The following LCT variants were observed in gnomAD, a reference collection of about 807,000 sequenced individuals.
LCT encodes the protein lactase.
Under a neutral mutation model 173.0 loss-of-function variants are expected in LCT, and 90 were observed. The ratio of observed to expected loss-of-function variants is 0.52; its 90% CI spans 0.44 to 0.62. The LOEUF (loss-of-function observed/expected upper bound fraction) is 0.62, where lower values mean the gene tolerates loss of function less well. Among genes scored for constraint, LCT ranks in the 20% least tolerant of loss-of-function variants. The pLI is 0.00. For missense variants in LCT, 1,864 were observed against 2,431.4 expected (o/e 0.77, Z 4.91); for synonymous variants, 853 against 957.6 (o/e 0.89, Z 2.02).
intron 8 of LCT, 106 bp from the exon 9 acceptor site, chr2:135,807,502 A>G (rs899758438): frequency 3.8e-6 from 4 of 1,047,744 alleles, no homozygotes; most frequent in Admixed American, 1.7e-5. Flanking sequence ...TGGTCCTAAA[A>G]GTGACATACA....
chr2:135,791,402 A>G (rs988767234), intron 14 of LCT, among the ~76,000 whole-genome samples: 5 of 152,244 alleles, frequency 3.3e-5, no homozygotes, highest in African/African-American at 7.2e-5. Context: ...TCAAGTGTCC[A>G]AGAGCCTGGC....
chr2:135,825,911 C>T (rs577403421), intron 3 of LCT, among the ~76,000 whole-genome samples: 6 of 152,294 alleles, frequency 3.9e-5, no homozygotes, highest in South Asian at 2.1e-4. Context: ...GTGGGCAGCA[C>T]GATTCAGGCT....
chr2:135,804,781 T>C lies in LCT; in HGVS notation c.4450A>G (p.Ser1484Gly), dbSNP rs780250030. 13 of 1,612,796 alleles carry C rather than the reference T, an allele frequency of 8.1e-6. No individual in the cohort carries two copies. Among genetic ancestry groups the C allele is most frequent in the Non-Finnish European group, 1.1e-5 (13 of 1,180,042 alleles). ...VRLIDTLLAA[S>G]IQPQVTIYHW... ...ACCCACCATACCTGGGGCTGGATGC[T>C]GGCGGCCAGCAGTGTATCGATGAGC... The change falls in exon 10 of 17, where the codon AGC (serine) becomes GGC (glycine). Residue 1484 changes from serine (S) to glycine (G), a missense_variant. Coordinates refer to ENST00000264162, the MANE Select transcript of LCT (RefSeq NM_002299.4).
chr2:135,798,844 G>T (rs1446081990), intron 12 of LCT, among the ~76,000 whole-genome samples: 2 of 152,070 alleles, frequency 1.3e-5, no homozygotes, highest in Non-Finnish European at 2.9e-5. Context: ...ATGAGGCATG[G>T]AACACACATG....
Position 135,794,462 on chromosome 2 carries a change from T to C in LCT, c.5111+179A>G. ...GTGCCCTGGAGACCCCGGCCTTCTCTCCCTCTTGCTTGCTGGAGATTTCCT... is the reference window on the plus strand; with the variant it reads ...GTGCCCTGGAGACCCCGGCCTTCTCCCCCTCTTGCTTGCTGGAGATTTCCT... On this transcript the variant is annotated intron_variant, in intron 14 of 16. Transcript: ENST00000264162. The C allele has an allele frequency of 4.4e-6, 3 of 682,834 alleles. No homozygotes were observed. In the South Asian group the frequency reaches 5.1e-5, roughly 12 times the overall value. 42.3% of individuals were successfully genotyped at this position (682,834 alleles called of 1,614,324 possible).
chr2:135,791,467 G>A (rs896957063), intron 14 of LCT, among the ~76,000 whole-genome samples: 2 of 152,192 alleles, frequency 1.3e-5, no homozygotes, highest in Admixed American at 6.5e-5. Context: ...AGGGGTGCCT[G>A]CTGGGGGAGG....
rs753391989 is a variant in LCT, at chr2:135,817,968, C to T, written c.1080G>A (p.Gln360=). ...TTDSSPASAY[Q]RIWEAFANQS... is the part of the protein sequence containing the mutation. ...GATTGGCAAATGCTTCCCAGATTCT[C>T]TGATAGGCAGAGGCAGGAGAGGAGT... The change falls in exon 6 of 17, where the codon CAG becomes CAA. Residue 360 remains glutamine (Q), a synonymous_variant. Coordinates refer to ENST00000264162, the MANE Select transcript of LCT (RefSeq NM_002299.4). 1.2e-6 allele frequency: 2 copies of T among 1,613,848 alleles called. No individual in the cohort carries two copies. Among genetic ancestry groups the T allele is most frequent in the Non-Finnish European group, 1.7e-6 (2 of 1,180,012 alleles).
chr2:135,831,999 C>T (rs1185490983), intron 2 of LCT, among the ~76,000 whole-genome samples: 4 of 151,962 alleles, frequency 2.6e-5, no homozygotes, highest in African/African-American at 9.7e-5. Context: ...GGTGGATTAC[C>T]TGAGGTCAGG....
At chr2:135,800,334 G>A (rs1437412455) in intron 12 of LCT, among the ~76,000 whole-genome samples, 1 of 152,042 alleles carries the variant, frequency 6.6e-6, no homozygotes. Flanking sequence ...CTGGACTCAA[G>A]CTCCCACCTT....
At chr2:135,823,837 C>A in intron 4 of LCT, 64 bp downstream of exon 4, 1 of 1,124,812 alleles carries the variant, frequency 8.9e-7, no homozygotes, top group Non-Finnish European at 1.4e-6. Flanking sequence ...ACTTTCAAGA[C>A]TGCTACCTAG....
At chr2:135,791,720 T>G (rs2077534576) in intron 14 of LCT, among the ~76,000 whole-genome samples, 1 of 151,738 alleles carries the variant, frequency 6.6e-6, no homozygotes, top group Non-Finnish European at 1.5e-5. Flanking sequence ...TGTTCTGGAG[T>G]CTCCTCAGCC....
chr2:135,794,236 A>C, intron 14 of LCT: 1 of 161,688 alleles, frequency 6.2e-6, no homozygotes, highest in South Asian at 1.6e-4. Context: ...GAGAAAATAA[A>C]ATTTTACTCT....
In LCT at chr2:135,817,935, C is replaced by G. The variant is rs148142216; in HGVS notation, c.1113G>C (p.Arg371Ser). ...RIWEAFANQS[R>S]AERDAFLQDT... is the part of the protein sequence containing the mutation. ...CCTGCAGGAAGGCATCCCTTTCCGC[C>G]CTGGACTGATTGGCAAATGCTTCCC... is the stretch of plus-strand genomic sequence containing the variant. The change falls in exon 6 of 17, where the codon AGG becomes AGC. Residue 371 changes from arginine (R) to serine (S), a missense_variant. Around this residue, in one of 4 missense-constraint regions of LCT, gnomAD observed 412 missense variants for 462.0 expected, o/e 0.89. Coordinates refer to ENST00000264162, the MANE Select transcript of LCT (RefSeq NM_002299.4). The G allele has an allele frequency of 1.9e-6, 3 of 1,614,006 alleles. No individual in the cohort carries two copies. The highest frequency in any genetic ancestry group is 1.7e-4 in the Middle Eastern group (1 of 6,060).
chr2:135,800,734 T>C lies in LCT; in HGVS notation c.4739A>G (p.His1580Arg). 4 of 1,614,122 alleles carry C rather than the reference T, an allele frequency of 2.5e-6. No homozygotes were observed. The highest frequency in any genetic ancestry group is 3.4e-6 in the Non-Finnish European group (4 of 1,180,016). Residue 1580 changes from histidine (H) to arginine (R), a missense_variant, in exon 12 of 17, where the codon CAT becomes CGT. By Grantham distance (29) the His-to-Arg change is conservative. This residue lies in a region of LCT where 514 missense variants were observed against 750.1 expected (regional missense o/e 0.69). Transcript: ENST00000264162. The stretch of plus-strand genomic sequence containing the variant: ...GGCGCGGTACACATCGTTGTACAGA[T>C]GCCAGGCCTCAGCATGAGCCTTTAT... ...NLIKAHAEAW[H>R]LYNDVYRASQ...
chr2:135,809,254 T>TC lies in LCT; in HGVS notation c.3092dup (p.Gly1032ArgfsTer9). 6.2e-7 allele frequency: 1 copy of TC among 1,614,200 alleles called. No individual in the cohort carries two copies. Among genetic ancestry groups the TC allele is most frequent in the Non-Finnish European group, 8.5e-7 (1 of 1,180,036 alleles). Reference sequence around the variant, plus strand: ...CAATCAAGGCAGGATTCTCCCAGCCTCCGATATCCTGGAGGGCCTGGGGCA... The same window carrying TC: ...CAATCAAGGCAGGATTCTCCCAGCCTCCCGATATCCTGGAGGGCCTGGGGCA... On this transcript the variant is annotated frameshift_variant, in exon 8 of 17. Transcript: ENST00000264162. LOFTEE classifies it high-confidence loss of function. This position sits in a 1 kb window ranked among gnomAD's most constrained non-coding sequence, Gnocchi z 5.5.
Position 135,790,553 on chromosome 2 carries a change from G to T in LCT, c.5335+105C>A. 2 of 753,788 alleles carry T rather than the reference G, an allele frequency of 2.7e-6. No homozygotes were observed. The highest frequency in any genetic ancestry group is 2.3e-6 in the Non-Finnish European group (1 of 434,890). The allele number at this position is 753,788 out of a possible 1,614,324, so 46.7% of individuals were successfully genotyped here. A position where few individuals can be genotyped will look rare whatever the true frequency, so the allele number is the denominator to read the frequency against. ...CCCCACAGGAGCAAGAAGGCTTATC[G>T]TTCTCTTCTTACTGTGGCCCAAGGA... On this transcript the variant is annotated intron_variant, in intron 15 of 16. Transcript: ENST00000264162. The surrounding 1 kb of genome is among the most constrained non-coding windows in gnomAD (Gnocchi z 4.1).
chr2:135,804,201 A>C, intron 10 of LCT, 73 bp from the exon 11 acceptor site: 1 of 1,162,592 alleles, frequency 8.6e-7, no homozygotes, highest in Admixed American at 1.7e-5. Context: ...ATGTGCCAGC[A>C]TCAACGTCTG....
chr2:135,803,422 C>T (rs952783414), intron 11 of LCT, among the ~76,000 whole-genome samples: 21 of 152,192 alleles, frequency 1.4e-4, no homozygotes, highest in African/African-American at 3.6e-4. Context: ...CCCCATGGGC[C>T]GCAGACAGCT....
Position 135,808,974 on chromosome 2 carries a change from T to C in LCT, c.3373A>G (p.Ser1125Gly), listed in dbSNP as rs1370396830. Residue 1125 changes from serine to glycine, a missense_variant, in exon 8 of 17, where the codon AGT becomes GGT. This residue lies in a region of LCT where 755 missense variants were observed against 926.3 expected (regional missense o/e 0.82). Coordinates refer to ENST00000264162, the MANE Select transcript of LCT (RefSeq NM_002299.4). Reference sequence around the variant, plus strand: ...GACTTGGGCTCTGCCCAGTGTGTACTGAGGCTCAGCGAGATGACCCCCTTC... The same window carrying C: ...GACTTGGGCTCTGCCCAGTGTGTACCGAGGCTCAGCGAGATGACCCCCTTC... ...EQKGVISLSL[S>G]THWAEPKSPG... 3 of 1,612,758 alleles carry C rather than the reference T, an allele frequency of 1.9e-6. No individual in the cohort carries two copies. The highest frequency in any genetic ancestry group is 2.2e-5 in the South Asian group (2 of 91,028).
Sources: allele counts gnomAD v4.1 joint callset (sites outside exome capture counted in the v4.1 genomes callset), GRCh38; gene constraint gnomAD v4.1.1; regional missense constraint gnomAD v4.1.1; non-coding constraint Gnocchi (gnomAD v3.1); transcripts MANE v1.5; gene names NCBI Gene and HGNC (gene_info 2026-07-23, HGNC 2026-07-21).